The following NFAM1 variants were observed in gnomAD, a reference collection of about 807,000 sequenced individuals.
The protein encoded by NFAM1 is NFAT activating protein with ITAM motif 1.
A neutral mutation model predicts 29.0 loss-of-function variants in NFAM1; 17 were observed. That is an observed-to-expected ratio of 0.59 (90% CI 0.40 to 0.88). The LOEUF is 0.88. NFAM1 is among the 40% of genes least tolerant of loss of function. The pLI, the probability that NFAM1 is intolerant of heterozygous loss-of-function variation, is 0.00. For missense variants in NFAM1, 324 were observed against 344.6 expected, an observed-to-expected ratio of 0.94 and a Z score of 0.47; for synonymous variants, 175 against 147.2, an observed-to-expected ratio of 1.19 and a Z score of -1.36.
At chr22:42,423,725 C>CT (rs368682615) in intron 1 of NFAM1, among the ~76,000 whole-genome samples, 37,009 of 143,370 alleles carry the variant, frequency 0.26, 5,210 homozygotes, top group African/African-American at 0.37. Flanking sequence ...TCCCTCTTTT[C>CT]TTTTTTTTTT....
At chr22:42,425,143 G>T (rs142033732) in intron 1 of NFAM1, among the ~76,000 whole-genome samples, 1 of 151,948 alleles carries the variant, frequency 6.6e-6, no homozygotes, top group Non-Finnish European at 1.5e-5. Context: ...GGCTGGTCTC[G>T]AACTCCTGAC....
intron 1 of NFAM1, among the ~76,000 whole-genome samples, chr22:42,431,743 C>CTGGT (rs1274321994): frequency 6.6e-6 from 1 of 152,198 alleles, no homozygotes; most frequent in African/African-American, 2.4e-5. Flanking sequence ...TTTTGTGCCT[C>CTGGT]TGGGCGCAGA....
intron 1 of NFAM1, among the ~76,000 whole-genome samples, chr22:42,423,111 T>C (rs1930502410): frequency 5.9e-5 from 1 of 17,058 alleles, no homozygotes; most frequent in African/African-American, 1.8e-3. Context: ...AGACTCCATC[T>C]CAAAAAAAAA....
At chr22:42,423,108 A>G (rs1249512794) in intron 1 of NFAM1, among the ~76,000 whole-genome samples, 2 of 147,254 alleles carry the variant, frequency 1.4e-5, no homozygotes, top group African/African-American at 2.5e-5. Context: ...GCAAGACTCC[A>G]TCTCAAAAAA....
At chr22:42,431,048 A>C (rs1412294688) in intron 1 of NFAM1, among the ~76,000 whole-genome samples, 3 of 152,134 alleles carry the variant, frequency 2.0e-5, no homozygotes, top group Non-Finnish European at 4.4e-5. Flanking sequence ...TTGCCTCCCC[A>C]GGGTAAGTTT....
intron 3 of NFAM1, 62 bp from the exon 4 acceptor site, chr22:42,398,018 C>A (rs1324576476): frequency 3.5e-6 from 3 of 852,826 alleles, no homozygotes; most frequent in African/African-American, 1.7e-5. Flanking sequence ...CCCGCACAGA[C>A]CCCCCAGGGG....
chr22:42,430,898 C>T (rs1275463457), intron 1 of NFAM1, among the ~76,000 whole-genome samples: 2 of 152,184 alleles, frequency 1.3e-5, no homozygotes, highest in African/African-American at 4.8e-5. Flanking sequence ...GACACATTGA[C>T]ACTAACAGGC....
At chr22:42,427,922 GAGT>G (rs1311426658) in intron 1 of NFAM1, among the ~76,000 whole-genome samples, 7 of 152,222 alleles carry the variant, frequency 4.6e-5, no homozygotes, top group Admixed American at 1.3e-4. Flanking sequence ...GGGGCGAGGG[GAGT>G]AGAAGGGGCT....
rs369384388 is a variant in NFAM1, at chr22:42,432,377, C to A, written c.-20G>T. On this transcript the variant is annotated 5_prime_UTR_variant, in exon 1 of 6. Transcript: ENST00000329021. Reference sequence around the variant, plus strand: ...CTCCATCTGGGGGCCTGCTTGTCTGCGGCGACTCTTTAGTTCACAGGAGGG... The same window carrying A: ...CTCCATCTGGGGGCCTGCTTGTCTGAGGCGACTCTTTAGTTCACAGGAGGG... The A allele has an allele frequency of 5.2e-6, 8 of 1,550,142 alleles. No individual in the cohort carries two copies. In the African/African-American group the frequency reaches 1.1e-4, roughly 21 times the overall value.
In NFAM1 at chr22:42,388,341, C is replaced by T. The variant is rs556558730; in HGVS notation, c.664-1263G>A. Among the ~76,000 whole-genome samples, 1 of 152,210 alleles carries T rather than the reference C, an allele frequency of 6.6e-6. No individual in the cohort carries two copies. Among genetic ancestry groups the T allele is most frequent in the Admixed American group, 6.5e-5 (1 of 15,276 alleles). ...GAGATACTGTGCACAAAGGGCCACA[C>T]ACACAGTCAGGGAAGTAGTAGGTGC... On this transcript the variant is annotated intron_variant, in intron 4 of 5. Coordinates refer to ENST00000329021, the MANE Select transcript of NFAM1 (RefSeq NM_145912.8). The surrounding 1 kb of genome is among the most constrained non-coding windows in gnomAD (Gnocchi z 4.1).
In NFAM1 at chr22:42,386,418, C is replaced by CAT. The variant is rs1929146485; in HGVS notation, c.753+570_753+571insAT. 2.3e-5 allele frequency among the ~76,000 whole-genome samples: 3 copies of CAT among 132,706 alleles called. No individual in the cohort carries two copies. In the South Asian group the frequency reaches 7.5e-4, roughly 33 times the overall value. The allele number at this position is 132,706 out of a possible 152,430, so 87.1% of individuals were successfully genotyped here. Reference sequence around the variant, plus strand: ...ACAAACACACACACACACACACACACACACACACAAAACAAAAACAAAAAA... The same window carrying CAT: ...ACAAACACACACACACACACACACACATACACACACAAAACAAAAACAAAAAA... On this transcript the variant is annotated intron_variant, in intron 5 of 5. Transcript: ENST00000329021.
chr22:42,417,876 G>A (rs998704067), intron 1 of NFAM1, among the ~76,000 whole-genome samples: 19 of 152,154 alleles, frequency 1.2e-4, no homozygotes, highest in African/African-American at 4.1e-4. Flanking sequence ...CCCCCGCCCC[G>A]TCCCCGGGCT....
At chr22:42,406,405 G>A (rs1415520960) in intron 3 of NFAM1, among the ~76,000 whole-genome samples, 3 of 152,278 alleles carry the variant, frequency 2.0e-5, no homozygotes, top group East Asian at 3.9e-4. Context: ...ATCACATAGA[G>A]TAAGGGCTAA....
intron 1 of NFAM1, among the ~76,000 whole-genome samples, chr22:42,428,258 G>A (rs141142033): frequency 1.1e-4 from 17 of 152,130 alleles, no homozygotes; most frequent in African/African-American, 2.9e-4. Context: ...CCCACTCCGC[G>A]GGCAGCCTTT....
intron 4 of NFAM1, among the ~76,000 whole-genome samples, chr22:42,390,550 C>T (rs1361138362): frequency 6.6e-6 from 1 of 152,144 alleles, no homozygotes; most frequent in Non-Finnish European, 1.5e-5. Flanking sequence ...GGTGTGGTGG[C>T]TCACCCCTGT....
chr22:42,421,808 C>T (rs1930455261), intron 1 of NFAM1, among the ~76,000 whole-genome samples: 1 of 152,218 alleles, frequency 6.6e-6, no homozygotes, highest in Admixed American at 6.5e-5. Flanking sequence ...GGGGTTTGCC[C>T]TCCAATTTAA....
At chr22:42,435,817 T>TC (rs1301617492), upstream of NFAM1, among the ~76,000 whole-genome samples, 5 of 140,082 alleles carry the variant, frequency 3.6e-5, no homozygotes, top group Admixed American at 2.1e-4. Context: ...TTCTTCTTCT[T>TC]TTTTTTTTTT....
At chr22:42,420,005 T>TTG (rs1930388929) in intron 1 of NFAM1, among the ~76,000 whole-genome samples, 1 of 87,112 alleles carries the variant, frequency 1.1e-5, no homozygotes. Flanking sequence ...TTTTTTTTTT[T>TTG]TTTTTTTTTT....
Position 42,384,726 on chromosome 22 carries a change from C to G in NFAM1, c.*435G>C, listed in dbSNP as rs537953819. ...AGCTCCTCCATACCTCGGCTCCCCA[C>G]ACAGCACTGCTAGGCGCCCCTGCAG... On this transcript the variant is annotated 3_prime_UTR_variant, in exon 6 of 6. Transcript: ENST00000329021. 2.0e-5 allele frequency: 4 copies of G among 200,708 alleles called. No homozygotes were observed. The East Asian group carries it at 5.5e-4, about 27-fold the overall frequency. 12.4% of individuals were successfully genotyped at this position (200,708 alleles called of 1,614,324 possible).
Sources: allele counts gnomAD v4.1 joint callset (sites outside exome capture counted in the v4.1 genomes callset), GRCh38; gene constraint gnomAD v4.1.1; non-coding constraint Gnocchi (gnomAD v3.1); transcripts MANE v1.5; gene names NCBI Gene and HGNC (gene_info 2026-07-23, HGNC 2026-07-21).